FRMD6: variants seen among roughly 807,000 people sequenced by gnomAD.
FRMD6 encodes the protein FERM domain containing 6.
In FRMD6, 37 loss-of-function variants were observed where a neutral mutation model predicts 73.2. That is an observed-to-expected ratio of 0.51 (90% CI 0.39 to 0.66). FRMD6 has a LOEUF of 0.66. FRMD6 is among the 30% of genes least tolerant of loss of function. The pLI, the probability that FRMD6 is intolerant of heterozygous loss-of-function variation, is 0.00. For missense variants in FRMD6, 714 were observed against 780.5 expected (o/e 0.91, Z 1.02); for synonymous variants, 273 against 282.2 (o/e 0.97, Z 0.33).
chr14:51,644,743 C>A (rs1891989334), intron 2 of FRMD6, among the ~76,000 whole-genome samples: 1 of 152,114 alleles, frequency 6.6e-6, no homozygotes, highest in South Asian at 2.1e-4. Context: ...GGACTATTTG[C>A]AGAACAGAAA....
chr14:51,405,020 T>C, the FRMD6 span, among the ~76,000 whole-genome samples: 1 of 152,318 alleles, frequency 6.6e-6, no homozygotes, highest in East Asian at 1.9e-4. Context: ...AGTGAGAACA[T>C]GCGGTATTCG....
the FRMD6 span, among the ~76,000 whole-genome samples, chr14:51,440,257 G>A: frequency 9.9e-5 from 15 of 152,212 alleles, no homozygotes; most frequent in East Asian, 7.7e-4. Flanking sequence ...GAATATACTC[G>A]TTAAAAATAC....
the FRMD6 span, among the ~76,000 whole-genome samples, chr14:51,426,296 T>C: frequency 2.0e-5 from 3 of 152,112 alleles, no homozygotes. Context: ...ATCCTCCACC[T>C]AGTCACGTGG....
At chr14:51,506,750 C>G (rs1883985182) in intron 1 of FRMD6, among the ~76,000 whole-genome samples, 1 of 152,110 alleles carries the variant, frequency 6.6e-6, no homozygotes, top group Non-Finnish European at 1.5e-5. Flanking sequence ...CTGTTTATAT[C>G]AATAACCTAG....
intron 1 of FRMD6, among the ~76,000 whole-genome samples, chr14:51,676,298 T>C (rs1010413382): frequency 6.6e-6 from 1 of 152,194 alleles, no homozygotes; most frequent in Admixed American, 6.6e-5. Context: ...GTTACATTTG[T>C]TTCCAGTTAG....
chr14:51,556,474 G>A lies in FRMD6; in HGVS notation c.-209-13874G>A, dbSNP rs149628659. On this transcript the variant is annotated intron_variant, in intron 1 of 14. Transcript: ENST00000356218. ...AGTCAAACCTTAAGTGCTAAAATCC[G>A]CTCTGTGGTGACATTTACTTAATTG... is the stretch of plus-strand genomic sequence containing the variant. Among the ~76,000 whole-genome samples the A allele has an allele frequency of 2.8e-4, 43 of 152,226 alleles. No homozygotes were observed. In the East Asian group the frequency reaches 7.5e-3, roughly 27 times the overall value.
intron 1 of FRMD6, among the ~76,000 whole-genome samples, chr14:51,553,912 A>G (rs1466703069): frequency 2.0e-5 from 3 of 152,080 alleles, no homozygotes; most frequent in Non-Finnish European, 2.9e-5. Context: ...TCAAAATAGC[A>G]CCCTAATATC....
At chr14:51,437,570 G>A in the FRMD6 span, among the ~76,000 whole-genome samples, 11 of 152,286 alleles carry the variant, frequency 7.2e-5, no homozygotes, top group East Asian at 2.1e-3. Context: ...TCAAAGTGCT[G>A]GGATTACAGG....
the FRMD6 span, among the ~76,000 whole-genome samples, chr14:51,446,719 G>A: frequency 5.6e-4 from 86 of 152,304 alleles, no homozygotes; most frequent in Admixed American, 1.9e-3. Flanking sequence ...CACTAGTGAA[G>A]TTTACAGTGC....
chr14:51,610,219 A>G (rs1257731247), intron 2 of FRMD6, among the ~76,000 whole-genome samples: 1 of 152,006 alleles, frequency 6.6e-6, no homozygotes, highest in Non-Finnish European at 1.5e-5. Flanking sequence ...GTAAATAAAC[A>G]GCGCAGCCTC....
chr14:51,599,058 C>CTTTTTTTTTTTTTTTTTTTTTTT lies in FRMD6; in HGVS notation c.-147+28653_-147+28675dup, dbSNP rs59151771. On this transcript the variant is annotated intron_variant, in intron 2 of 14. Transcript: ENST00000356218. ...TCTCAGCAGCCTTGCCAGTATCTGTCTTTTTTTTTTTTTTTTTTTTTTTTT... is the reference window on the plus strand; with the variant it reads ...TCTCAGCAGCCTTGCCAGTATCTGTCTTTTTTTTTTTTTTTTTTTTTTTTTTTTTTTTTTTTTTTTTTTTTTTT... 2.6e-4 allele frequency among the ~76,000 whole-genome samples: 19 copies of CTTTTTTTTTTTTTTTTTTTTTTT among 72,824 alleles called. 2 individuals carry two copies. The highest frequency in any genetic ancestry group is 0.011 in the Middle Eastern group (1 of 90). 47.8% of individuals were successfully genotyped at this position (72,824 alleles called of 152,430 possible).
At chr14:51,541,491 C>T (rs570372160) in intron 1 of FRMD6, among the ~76,000 whole-genome samples, 9 of 152,126 alleles carry the variant, frequency 5.9e-5, no homozygotes, top group East Asian at 5.8e-4. Flanking sequence ...AATCTCACAG[C>T]GCTCCTCTTA....
the FRMD6 span, among the ~76,000 whole-genome samples, chr14:51,398,572 C>G: frequency 6.6e-6 from 1 of 150,804 alleles, no homozygotes; most frequent in South Asian, 2.1e-4. Context: ...TTTTTTTTTG[C>G]ATATTTCACC....
At chr14:51,672,318 GGA>G (rs1192789712) in intron 1 of FRMD6, among the ~76,000 whole-genome samples, 1 of 152,144 alleles carries the variant, frequency 6.6e-6, no homozygotes, top group East Asian at 1.9e-4. Flanking sequence ...AAGCTTCTCT[GGA>G]GAGTTTTTCT....
At chr14:51,706,264 C>T (rs1044173878) in intron 6 of FRMD6, among the ~76,000 whole-genome samples, 11 of 152,206 alleles carry the variant, frequency 7.2e-5, no homozygotes, top group African/African-American at 2.4e-4. Flanking sequence ...TGTCCATTGC[C>T]TCCTCTCCCT....
Position 51,603,213 on chromosome 14 carries a change from C to T in FRMD6, c.-147+32803C>T, listed in dbSNP as rs144870292. Among the ~76,000 whole-genome samples, 278 of 151,958 alleles carry T rather than the reference C, an allele frequency of 1.8e-3. 1 individual carries two copies. The highest frequency in any genetic ancestry group is 6.2e-3 in the African/African-American group (255 of 41,452). On this transcript the variant is annotated intron_variant, in intron 2 of 14. Coordinates refer to the FRMD6 transcript ENST00000356218. ...AGCACCTTGATATTGGACTTCCCAG[C>T]GCCCAGAACTATAGGAAAAAAATTT...
intron 1 of FRMD6, among the ~76,000 whole-genome samples, chr14:51,555,365 T>C (rs1302145851): frequency 6.6e-6 from 1 of 152,228 alleles, no homozygotes; most frequent in African/African-American, 2.4e-5. Flanking sequence ...ATTTGCCTAC[T>C]GTGTCCCAGG....
chr14:51,433,568 A>G, the FRMD6 span, among the ~76,000 whole-genome samples: 2 of 152,232 alleles, frequency 1.3e-5, no homozygotes, highest in African/African-American at 4.8e-5. Flanking sequence ...TAGCTTCACT[A>G]ACGGAACGTG....
intron 1 of FRMD6, among the ~76,000 whole-genome samples, chr14:51,562,847 G>A (rs1887555150): frequency 6.6e-6 from 1 of 152,188 alleles, no homozygotes; most frequent in African/African-American, 2.4e-5. Flanking sequence ...GCACAAAATA[G>A]ACATTTATGA....
Sources: allele counts gnomAD v4.1 joint callset (sites outside exome capture counted in the v4.1 genomes callset), GRCh38; gene constraint gnomAD v4.1.1; transcripts MANE v1.5; gene names NCBI Gene and HGNC (gene_info 2026-07-23, HGNC 2026-07-21).